The following SCAF4 variants were observed in gnomAD, a reference collection of about 807,000 sequenced individuals.
The protein encoded by SCAF4 is SR-related CTD associated factor 4.
SCAF4 carries 25 observed loss-of-function variants against 129.8 expected under a neutral mutation model. The ratio of observed to expected loss-of-function variants is 0.19; its 90% CI spans 0.14 to 0.27. The LOEUF (loss-of-function observed/expected upper bound fraction) is 0.27. Ranked by LOEUF, SCAF4 falls within the 10% of genes least tolerant of loss-of-function variation. The probability of loss-of-function intolerance (pLI) is 1.00; values close to 1 mark genes in which losing one functional copy is unlikely to be tolerated. For missense variants in SCAF4, 1,246 were observed against 1,457.1 expected (o/e 0.86, Z 2.36); for synonymous variants, 551 against 497.7 (o/e 1.11, Z -1.43).
intron 10 of SCAF4, 55 bp downstream of exon 10, chr21:31,694,758 G>A: frequency 6.6e-7 from 1 of 1,519,622 alleles, no homozygotes; most frequent in Non-Finnish European, 9.1e-7. Context: ...GGAGAAATCT[G>A]CATATAAGTC....
At position 31,691,816 on chromosome 21, in the gene SCAF4, C is replaced by T; in HGVS notation, c.1728+1G>A. Reference sequence around the variant, plus strand: ...ATTAATTATAACATGTAAGACTGTACCTTTATGGATTTCTGGTTCACTTTA... The same window carrying T: ...ATTAATTATAACATGTAAGACTGTATCTTTATGGATTTCTGGTTCACTTTA... On this transcript the variant is annotated splice_donor_variant, in intron 14 of 19. Transcript: ENST00000286835. LOFTEE classifies it high-confidence loss of function. The T allele has an allele frequency of 1.3e-6, 2 of 1,546,344 alleles. No homozygotes were observed. The highest frequency in any genetic ancestry group is 1.4e-5 in the African/African-American group (1 of 72,892).
At chr21:31,724,045 ATACT>A (rs1161251594) in intron 1 of SCAF4, among the ~76,000 whole-genome samples, 6 of 152,312 alleles carry the variant, frequency 3.9e-5, no homozygotes, top group Middle Eastern at 3.4e-3. Context: ...GGGTTTCTGT[ATACT>A]TACTTATCTA....
chr21:31,715,212 C>G (rs111429887), intron 1 of SCAF4, among the ~76,000 whole-genome samples: 9 of 152,258 alleles, frequency 5.9e-5, no homozygotes, highest in African/African-American at 2.2e-4. Flanking sequence ...CTCATGGCCT[C>G]TTCTTCCATC....
intron 11 of SCAF4, among the ~76,000 whole-genome samples, chr21:31,693,694 T>C (rs2050314482): frequency 6.6e-6 from 1 of 152,224 alleles, no homozygotes; most frequent in South Asian, 2.1e-4. Flanking sequence ...TGTTGACAGC[T>C]TATATAAGTA....
intron 1 of SCAF4, chr21:31,706,774 C>A: frequency 8.7e-6 from 2 of 230,002 alleles, no homozygotes; most frequent in South Asian, 1.2e-4. Flanking sequence ...AGTGACTAAC[C>A]AAGAAACTAA....
At chr21:31,724,601 A>T (rs2051154910) in intron 1 of SCAF4, among the ~76,000 whole-genome samples, 1 of 152,126 alleles carries the variant, frequency 6.6e-6, no homozygotes, top group Non-Finnish European at 1.5e-5. Context: ...TTCAAATGAG[A>T]TTTGAGTGTG....
At position 31,672,041 on chromosome 21, in the gene SCAF4, A is replaced by T. The variant is rs967406511; in HGVS notation, c.2802T>A (p.Pro934=). Residue 934 remains proline, a synonymous_variant, in exon 20 of 20, where the codon CCT becomes CCA. Coordinates refer to ENST00000286835, the MANE Select transcript of SCAF4 (RefSeq NM_020706.2). The part of the protein sequence containing the change: ...LGGPGPGPGG[P]EDRDGRQQPP... ...GCTGTTGCCTTCCGTCTCTGTCTTCAGGACCCCCTGGGCCTGGCCCTGGGC... is the reference window on the plus strand; with the variant it reads ...GCTGTTGCCTTCCGTCTCTGTCTTCTGGACCCCCTGGGCCTGGCCCTGGGC... The T allele has an allele frequency of 2.5e-6, 4 of 1,613,244 alleles. No individual in the cohort carries two copies. Among genetic ancestry groups the T allele is most frequent in the Non-Finnish European group, 3.4e-6 (4 of 1,179,700 alleles).
chr21:31,722,830 G>A (rs1439362355), intron 1 of SCAF4, among the ~76,000 whole-genome samples: 1 of 152,154 alleles, frequency 6.6e-6, no homozygotes, highest in African/African-American at 2.4e-5. Context: ...GCACGTGCCT[G>A]TAATCCCAGC....
intron 15 of SCAF4, 25 bp downstream of exon 15, chr21:31,690,772 T>TA: frequency 2.5e-6 from 4 of 1,599,602 alleles, no homozygotes; most frequent in Non-Finnish European, 2.6e-6. Context: ...AAGTGAACTG[T>TA]AAGAGAAATT....
chr21:31,687,571 T>C (rs2050156052), intron 16 of SCAF4, among the ~76,000 whole-genome samples: 1 of 152,208 alleles, frequency 6.6e-6, no homozygotes, highest in African/African-American at 2.4e-5. Flanking sequence ...TCATGTTAAA[T>C]GGCATTTATT....
intron 19 of SCAF4, among the ~76,000 whole-genome samples, chr21:31,680,184 A>T (rs2049964456): frequency 6.6e-6 from 1 of 152,218 alleles, no homozygotes; most frequent in African/African-American, 2.4e-5. Flanking sequence ...GCAGCCTAAC[A>T]AGTGACAGCC....
Position 31,701,070 on chromosome 21 carries a change from T to C in SCAF4, c.702A>G (p.Leu234=). ...CAGATGGTTGTGTAGGAGTTGTCTT[T>C]AACTGAGCTGTGATAGCCTGAACCT... The part of the protein sequence containing the change: ...MAQVQAITAQ[L]KTTPTQPSEQ... The change falls in exon 7 of 20, where the codon TTA becomes TTG. Residue 234 remains leucine, a synonymous_variant. Coordinates refer to ENST00000286835, the MANE Select transcript of SCAF4 (RefSeq NM_020706.2). The C allele has an allele frequency of 6.2e-7, 1 of 1,614,104 alleles. No individual in the cohort carries two copies. Among genetic ancestry groups the C allele is most frequent in the South Asian group, 1.1e-5 (1 of 91,076 alleles).
intron 1 of SCAF4, among the ~76,000 whole-genome samples, chr21:31,710,281 G>C (rs2050768895): frequency 6.6e-6 from 1 of 152,098 alleles, no homozygotes; most frequent in Non-Finnish European, 1.5e-5. Context: ...TGGTGCGGTG[G>C]CTCACACCTG....
intron 1 of SCAF4, among the ~76,000 whole-genome samples, chr21:31,707,121 C>CT: frequency 6.6e-6 from 1 of 152,222 alleles, no homozygotes; most frequent in Admixed American, 6.5e-5. Context: ...GAGGCTTTGA[C>CT]TGTCTTGGGT....
At chr21:31,691,625 T>A (rs1324805323) in intron 14 of SCAF4, among the ~76,000 whole-genome samples, 192 bp downstream of exon 14, 6 of 151,518 alleles carry the variant, frequency 4.0e-5, no homozygotes, top group Non-Finnish European at 8.8e-5. Flanking sequence ...CACGTAACAT[T>A]TACAATTTTA....
intron 16 of SCAF4, among the ~76,000 whole-genome samples, 185 bp downstream of exon 16, chr21:31,688,114 CAAAAAAAA>C (rs61592268): frequency 0.017 from 186 of 10,890 alleles, 1 homozygote; most frequent in African/African-American, 0.05. Context: ...GACTCTGTCT[CAAAAAAAA>C]AAAAAAAAAA....
intron 1 of SCAF4, among the ~76,000 whole-genome samples, chr21:31,729,270 C>A (rs1446329079): frequency 1.3e-5 from 2 of 152,204 alleles, no homozygotes; most frequent in African/African-American, 2.4e-5. Flanking sequence ...TTCAGCACTA[C>A]TGCCCTTCGA....
chr21:31,712,852 AAC>A, intron 1 of SCAF4: 1 of 964,760 alleles, frequency 1.0e-6, no homozygotes, highest in Non-Finnish European at 1.2e-6. Context: ...TTTTAAAATA[AAC>A]ACTGATGGCC....
At chr21:31,728,730 T>C (rs2051271013) in intron 1 of SCAF4, among the ~76,000 whole-genome samples, 1 of 152,118 alleles carries the variant, frequency 6.6e-6, no homozygotes, top group Non-Finnish European at 1.5e-5. Context: ...CCCCCATCTT[T>C]CCCATCTGAA....
Sources: gnomAD v4.1 joint callset for allele counts (sites outside exome capture counted in the v4.1 genomes callset) on GRCh38, gnomAD v4.1.1 for gene constraint, MANE v1.5 for transcripts, NCBI Gene and HGNC (gene_info 2026-07-23, HGNC 2026-07-21) for gene names.